The following RASL12 variants were observed in gnomAD, a reference collection of about 807,000 sequenced individuals.
RASL12 encodes the protein ras-like protein family member 12.
Under a neutral mutation model 22.9 loss-of-function variants are expected in RASL12, and 16 were observed. That is an observed-to-expected ratio of 0.70 (90% CI 0.47 to 1.06). RASL12 has a LOEUF of 1.06. Among genes scored for constraint, RASL12 ranks in the 50% least tolerant of loss-of-function variants. The pLI, the probability that RASL12 is intolerant of heterozygous loss-of-function variation, is 0.00. For missense variants in RASL12, 306 were observed against 353.1 expected (o/e 0.87, Z 1.07); for synonymous variants, 159 against 152.2 (o/e 1.04, Z -0.33).
intron 4 of RASL12, among the ~76,000 whole-genome samples, chr15:65,056,107 G>A (rs1440330528): frequency 6.6e-6 from 1 of 152,104 alleles, no homozygotes. Context: ...TGCATAGGTC[G>A]GATGTCTACA....
At position 65,054,677 on chromosome 15, in the gene RASL12, C is replaced by T; in HGVS notation, c.*222G>A. On this transcript the variant is annotated 3_prime_UTR_variant, in exon 5 of 5. Transcript: ENST00000220062. ...CAGTGGCTGTTTCCCTCTACGGCCA[C>T]AGACGCGGTGGTTACCATGAAGACC... is the stretch of plus-strand genomic sequence containing the variant. 1 of 1,386,552 alleles carries T rather than the reference C, an allele frequency of 7.2e-7. No homozygotes were observed. The highest frequency in any genetic ancestry group is 3.0e-5 in the Admixed American group (1 of 33,500). The allele number at this position is 1,386,552 out of a possible 1,614,324, so 85.9% of individuals were successfully genotyped here. A position where few individuals can be genotyped will look rare whatever the true frequency, so the allele number is the denominator to read the frequency against.
chr15:65,051,193 G>C (rs2086648965), downstream of RASL12, among the ~76,000 whole-genome samples: 1 of 152,158 alleles, frequency 6.6e-6, no homozygotes, highest in Non-Finnish European at 1.5e-5. Context: ...TGGCAAAACT[G>C]AAGATTGTGA....
At chr15:65,050,119 G>T, downstream of RASL12, 1 of 1,546,424 alleles carries the variant, frequency 6.5e-7, no homozygotes, top group South Asian at 1.2e-5. Context: ...GTGAGAGATT[G>T]ACGGCAGGGG....
At chr15:65,067,667 G>A in intron 1 of RASL12, 66 bp downstream of exon 1, 6 of 1,480,602 alleles carry the variant, frequency 4.1e-6, no homozygotes, top group Non-Finnish European at 4.5e-6. Flanking sequence ...CAAGAGCACA[G>A]CCCACTGTCC....
At chr15:65,050,836 C>CCTTTTTTTTTTTTTTTTTT (rs2086642864), downstream of RASL12, among the ~76,000 whole-genome samples, 1 of 95,650 alleles carries the variant, frequency 1.0e-5, no homozygotes, top group Non-Finnish European at 1.9e-5. Flanking sequence ...TCTTCTTCTT[C>CCTTTTTTTTTTTTTTTTTT]TTTTTTTTTT....
chr15:65,053,139 C>A, downstream of RASL12: 1 of 1,614,042 alleles, frequency 6.2e-7, no homozygotes, highest in Non-Finnish European at 8.5e-7. Context: ...GTTTTCCTTC[C>A]GGATGTACCA....
At position 65,059,359 on chromosome 15, in the gene RASL12, C is replaced by A; in HGVS notation, c.220G>T (p.Asp74Tyr). Residue 74 changes from aspartate to tyrosine, a missense_variant, in exon 3 of 5, where the codon GAC becomes TAC. Asp to Tyr is a radical substitution (Grantham distance 160). Transcript: ENST00000220062. Reference protein sequence around the residue: ...DHQPVHLRVMDTADLDTPRNC... With the variant: ...DHQPVHLRVMYTADLDTPRNC... The stretch of plus-strand genomic sequence containing the variant: ...GGTAATGTTACCAGGTCTGCAGTGT[C>A]CATGACCCTCAGGTGGACAGGCTGG... The A allele has an allele frequency of 6.2e-7, 1 of 1,613,998 alleles. No homozygotes were observed. The highest frequency in any genetic ancestry group is 8.5e-7 in the Non-Finnish European group (1 of 1,179,918).
chr15:65,051,344 C>A (rs1046243629), downstream of RASL12, among the ~76,000 whole-genome samples: 2 of 152,238 alleles, frequency 1.3e-5, no homozygotes, highest in African/African-American at 4.8e-5. Context: ...TCCACCCTCC[C>A]ACCTGTTAGA....
chr15:65,052,923 A>G (rs748912321), downstream of RASL12: 4 of 1,590,874 alleles, frequency 2.5e-6, no homozygotes, highest in Non-Finnish European at 3.4e-6. Flanking sequence ...TCCTGCCCCA[A>G]CCACTCAGCC....
intron 2 of RASL12, among the ~76,000 whole-genome samples, chr15:65,064,389 T>A (rs771027576): frequency 7.9e-5 from 12 of 152,174 alleles, no homozygotes; most frequent in Non-Finnish European, 1.3e-4. Context: ...CAGAGCCAGG[T>A]AGGATTCAAA....
chr15:65,046,685 G>A, the RASL12 span, among the ~76,000 whole-genome samples: 1 of 152,084 alleles, frequency 6.6e-6, no homozygotes. Context: ...GGACAAGGTG[G>A]GCAGGTCGCT....
intron 1 of RASL12, among the ~76,000 whole-genome samples, chr15:65,066,746 CAG>C (rs1369735259): frequency 6.6e-6 from 1 of 152,172 alleles, no homozygotes; most frequent in Non-Finnish European, 1.5e-5. Flanking sequence ...AAACCAGATT[CAG>C]AGTCCCCTCT....
chr15:65,057,994 G>A (rs897703048), intron 4 of RASL12, among the ~76,000 whole-genome samples: 12 of 152,188 alleles, frequency 7.9e-5, no homozygotes, highest in Admixed American at 2.0e-4. Context: ...CCCTGTGGTC[G>A]GGCACGGTGG....
chr15:65,053,379 G>A lies in RASL12; in HGVS notation c.*1520C>T. On this transcript the variant is annotated 3_prime_UTR_variant, in exon 5 of 5. Transcript: ENST00000220062. ...ATCTTTTATTAAAATGCTCCTGGAAGGGAGCAGGTGGTATTGCATAGTTTG... is the reference window on the plus strand; with the variant it reads ...ATCTTTTATTAAAATGCTCCTGGAAAGGAGCAGGTGGTATTGCATAGTTTG... 1.5e-6 allele frequency: 2 copies of A among 1,378,200 alleles called. No homozygotes were observed. Among genetic ancestry groups the A allele is most frequent in the Non-Finnish European group, 1.9e-6 (2 of 1,069,940 alleles). The allele number at this position is 1,378,200 out of a possible 1,614,324, so 85.4% of individuals were successfully genotyped here.
intron 1 of RASL12, among the ~76,000 whole-genome samples, chr15:65,066,167 G>C (rs2086876973): frequency 6.7e-6 from 1 of 149,830 alleles, no homozygotes; most frequent in African/African-American, 2.5e-5. Flanking sequence ...AGGGATGAAG[G>C]GAAGGAGGGA....
chr15:65,063,434 C>T (rs2086837328), intron 2 of RASL12, among the ~76,000 whole-genome samples: 1 of 152,136 alleles, frequency 6.6e-6, no homozygotes, highest in African/African-American at 2.4e-5. Context: ...ACCTCGCCGG[C>T]CAGTGCACCA....
chr15:65,072,757 GCACTTCCCTC>G (rs1290031940), upstream of RASL12, among the ~76,000 whole-genome samples: 1 of 152,260 alleles, frequency 6.6e-6, no homozygotes, highest in East Asian at 1.9e-4. Context: ...AAGACCCTGA[GCACTTCCCTC>G]CACTGTGAGA....
At chr15:65,053,082 A>G, downstream of RASL12, 1 of 1,614,098 alleles carries the variant, frequency 6.2e-7, no homozygotes, top group South Asian at 1.1e-5. Context: ...GAAAAGCCAA[A>G]CTTGGCCCAG....
At chr15:65,073,090 C>G (rs2086942931) in intron 1 of RASL12, among the ~76,000 whole-genome samples, 1 of 150,534 alleles carries the variant, frequency 6.6e-6, no homozygotes, top group Non-Finnish European at 1.5e-5. Flanking sequence ...ACGAACCAAA[C>G]AAACAAACAA....
Sources: allele counts gnomAD v4.1 joint callset (sites outside exome capture counted in the v4.1 genomes callset), GRCh38; gene constraint gnomAD v4.1.1; transcripts MANE v1.5; gene names NCBI Gene and HGNC (gene_info 2026-07-23, HGNC 2026-07-21).